The following GRB10 variants were observed in gnomAD, a reference collection of about 807,000 sequenced individuals.
GRB10 encodes growth factor receptor-bound protein 10.
Under a neutral mutation model 80.9 loss-of-function variants are expected in GRB10, and 20 were observed. That is an observed-to-expected ratio of 0.25 (90% CI 0.17 to 0.36). The LOEUF is 0.36. Ranked by LOEUF, GRB10 falls within the 10% of genes least tolerant of loss-of-function variation. The pLI, the probability that GRB10 is intolerant of heterozygous loss-of-function variation, is 1.00. For missense variants in GRB10, 548 were observed against 747.7 expected, an observed-to-expected ratio of 0.73 and a Z score of 3.12; for synonymous variants, 291 against 291.5, an observed-to-expected ratio of 1.00 and a Z score of 0.02.
chr7:50,606,646 T>C (rs2048584763), intron 13 of GRB10: 1 of 560,918 alleles, frequency 1.8e-6, no homozygotes, highest in Non-Finnish European at 3.2e-6. Context: ...AAAACTTACC[T>C]ACTAGTGGCC....
intron 7 of GRB10, among the ~76,000 whole-genome samples, chr7:50,638,125 T>C (rs1464177316): frequency 6.6e-6 from 1 of 152,050 alleles, no homozygotes; most frequent in African/African-American, 2.4e-5. Context: ...AAAAATTAAC[T>C]CAAGATGGAT....
intron 5 of GRB10, among the ~76,000 whole-genome samples, chr7:50,674,920 A>G (rs2190503): frequency 0.87 from 132,666 of 152,150 alleles, 57,912 homozygotes; most frequent in East Asian, 0.96. Flanking sequence ...GAAGCCATTC[A>G]GAGCATCTGC....
intron 2 of GRB10, among the ~76,000 whole-genome samples, chr7:50,771,356 G>C (rs776948979): frequency 6.6e-6 from 1 of 152,266 alleles, no homozygotes; most frequent in Non-Finnish European, 1.5e-5. Context: ...TGGCTCAACT[G>C]TTCTCCCCAA....
intron 7 of GRB10, among the ~76,000 whole-genome samples, chr7:50,654,805 G>A (rs2058452323): frequency 6.6e-6 from 1 of 152,032 alleles, no homozygotes; most frequent in African/African-American, 2.4e-5. Flanking sequence ...CCCCTTTCCT[G>A]CTAGATGGCT....
intron 7 of GRB10, among the ~76,000 whole-genome samples, chr7:50,647,779 G>A (rs1246009609): frequency 1.3e-5 from 2 of 152,196 alleles, no homozygotes; most frequent in Non-Finnish European, 2.9e-5. Context: ...TAAAGCCCAG[G>A]CCTGGGTCCC....
chr7:50,737,351 C>T (rs2070974176), intron 3 of GRB10, among the ~76,000 whole-genome samples: 1 of 152,176 alleles, frequency 6.6e-6, no homozygotes, highest in South Asian at 2.1e-4. Flanking sequence ...AAGTGTGTAG[C>T]ACCTCCCTCT....
intron 2 of GRB10, among the ~76,000 whole-genome samples, chr7:50,769,849 C>T (rs1250874738): frequency 1.3e-5 from 2 of 152,098 alleles, no homozygotes; most frequent in African/African-American, 4.8e-5. Context: ...TGTCGATTAA[C>T]ACTCCTTTGT....
At chr7:50,720,081 A>G (rs1285844821) in intron 4 of GRB10, among the ~76,000 whole-genome samples, 2 of 152,204 alleles carry the variant, frequency 1.3e-5, no homozygotes, top group Non-Finnish European at 2.9e-5. Context: ...TCAGATAAAG[A>G]AACACGGTTT....
At chr7:50,616,674 G>C (rs114692702) in intron 10 of GRB10, among the ~76,000 whole-genome samples, 1 of 152,224 alleles carries the variant, frequency 6.6e-6, no homozygotes, top group Admixed American at 6.5e-5. Flanking sequence ...CAAGTGATTG[G>C]GACTCTGGAG....
chr7:50,752,800 T>C (rs972626958), intron 3 of GRB10, among the ~76,000 whole-genome samples: 1 of 152,180 alleles, frequency 6.6e-6, no homozygotes, highest in Non-Finnish European at 1.5e-5. Flanking sequence ...AGTTTGGGGA[T>C]GTGATGCTTT....
At chr7:50,770,603 G>A (rs190891605) in intron 2 of GRB10, among the ~76,000 whole-genome samples, 71 of 152,336 alleles carry the variant, frequency 4.7e-4, no homozygotes, top group Admixed American at 1.6e-3. Context: ...ATGTGTCCTT[G>A]TCCCTTGCAT....
chr7:50,679,225 T>G (rs1268096442), intron 5 of GRB10, among the ~76,000 whole-genome samples: 1 of 152,216 alleles, frequency 6.6e-6, no homozygotes, highest in African/African-American at 2.4e-5. Context: ...AGTTTCACTG[T>G]CATTAGCAAA....
At chr7:50,606,838 C>A (rs987601726) in intron 13 of GRB10, 1 of 237,544 alleles carries the variant, frequency 4.2e-6, no homozygotes, top group Non-Finnish European at 8.4e-6. Context: ...CATGTTGACA[C>A]AATGAATTAT....
chr7:50,685,546 G>C (rs901037567), intron 5 of GRB10, among the ~76,000 whole-genome samples: 3 of 152,170 alleles, frequency 2.0e-5, no homozygotes, highest in Admixed American at 6.5e-5. Context: ...GGAAGTCAAG[G>C]GAAGTGCAGA....
chr7:50,707,286 T>C (rs1034993055), intron 4 of GRB10, among the ~76,000 whole-genome samples: 2 of 152,214 alleles, frequency 1.3e-5, no homozygotes, highest in African/African-American at 4.8e-5. Context: ...CAAAAGTAGT[T>C]GATCAGTTCT....
intron 2 of GRB10, among the ~76,000 whole-genome samples, chr7:50,777,790 T>C (rs868377831): frequency 4.4e-4 from 67 of 152,084 alleles, no homozygotes; most frequent in Admixed American, 2.2e-3. Flanking sequence ...CTGGAAGCCA[T>C]CATCCTCAAC....
In GRB10 at chr7:50,695,974, G is replaced by A. The variant is rs114300868; in HGVS notation, c.139+7847C>T. 5.9e-3 allele frequency among the ~76,000 whole-genome samples: 903 copies of A among 152,006 alleles called. 11 individuals carry two copies. Among genetic ancestry groups the A allele is most frequent in the African/African-American group, 0.02 (833 of 41,430 alleles). On this transcript the variant is annotated intron_variant, in intron 5 of 18. Coordinates refer to ENST00000401949, the MANE Select transcript of GRB10 (RefSeq NM_001350814.2). ...TACAAAATTGGGACCATACAGTACC[G>A]TAACCTGTTTCCCTGTTTTTTTCAC...
intron 10 of GRB10, among the ~76,000 whole-genome samples, chr7:50,617,540 G>C (rs1480304488): frequency 6.6e-6 from 1 of 152,210 alleles, no homozygotes; most frequent in African/African-American, 2.4e-5. Context: ...GAGGTGGGGA[G>C]AGACCAGGTT....
At chr7:50,690,493 T>C (rs1352000418) in intron 5 of GRB10, among the ~76,000 whole-genome samples, 1 of 152,236 alleles carries the variant, frequency 6.6e-6, no homozygotes, top group Non-Finnish European at 1.5e-5. Context: ...AATTATTTCT[T>C]TCTAAGTTGT....
Sources: allele counts gnomAD v4.1 joint callset (sites outside exome capture counted in the v4.1 genomes callset), GRCh38; gene constraint gnomAD v4.1.1; transcripts MANE v1.5; gene names NCBI Gene and HGNC (gene_info 2026-07-23, HGNC 2026-07-21).